Variants in LHFPL3 observed in about 807,000 individuals in gnomAD.
LHFPL3 encodes the protein LHFPL tetraspan subfamily member 3 protein.
A neutral mutation model predicts 19.3 loss-of-function variants in LHFPL3; 5 were observed. That is an observed-to-expected ratio of 0.26 (90% CI 0.14 to 0.54). The LOEUF (loss-of-function observed/expected upper bound fraction) is 0.54. LHFPL3 is among the 20% of genes least tolerant of loss of function. LHFPL3 has a pLI of 0.94. For missense variants in LHFPL3, 249 were observed against 307.4 expected (o/e 0.81, Z 1.42); for synonymous variants, 133 against 126.2 (o/e 1.05, Z -0.36).
chr7:104,608,259 A>T (rs1189595398), intron 1 of LHFPL3, among the ~76,000 whole-genome samples: 2 of 152,014 alleles, frequency 1.3e-5, no homozygotes, highest in Non-Finnish European at 2.9e-5. Context: ...ATGTCCAACA[A>T]CGATAGACTG....
intron 2 of LHFPL3, among the ~76,000 whole-genome samples, chr7:104,789,383 C>T (rs1485329700): frequency 6.6e-6 from 1 of 152,096 alleles, no homozygotes; most frequent in African/African-American, 2.4e-5. Flanking sequence ...CTCTTAACTC[C>T]AAGAGACTCT....
chr7:104,500,765 C>T (rs940805639), intron 1 of LHFPL3, among the ~76,000 whole-genome samples: 3 of 152,190 alleles, frequency 2.0e-5, no homozygotes, highest in African/African-American at 7.2e-5. Flanking sequence ...CAAATCCCTG[C>T]CCATACAGTA....
chr7:104,405,965 T>C (rs1328483802), intron 1 of LHFPL3, among the ~76,000 whole-genome samples: 1 of 152,212 alleles, frequency 6.6e-6, no homozygotes, highest in African/African-American at 2.4e-5. Flanking sequence ...TTTCCTGAAT[T>C]AAACAGGTAA....
intron 2 of LHFPL3, among the ~76,000 whole-genome samples, chr7:104,886,812 T>C (rs1176741819): frequency 6.6e-6 from 1 of 152,358 alleles, no homozygotes; most frequent in African/African-American, 2.4e-5. Context: ...TAGGAAGCTT[T>C]TCTATTGCAA....
At chr7:104,368,676 T>TGC (rs932995691) in intron 1 of LHFPL3, among the ~76,000 whole-genome samples, 2 of 150,740 alleles carry the variant, frequency 1.3e-5, no homozygotes, top group East Asian at 4.0e-4. Context: ...TGTGTGTGTG[T>TGC]GTGTTGTTTT....
chr7:104,342,667 C>T (rs1224004397), intron 1 of LHFPL3, among the ~76,000 whole-genome samples: 1 of 152,164 alleles, frequency 6.6e-6, no homozygotes, highest in Non-Finnish European at 1.5e-5. Flanking sequence ...TCAAAAAGCA[C>T]ACTTCCCTTC....
At chr7:104,506,883 A>C (rs1038747062) in intron 1 of LHFPL3, among the ~76,000 whole-genome samples, 7 of 152,232 alleles carry the variant, frequency 4.6e-5, no homozygotes, top group Non-Finnish European at 5.9e-5. Context: ...AGAAGTACAA[A>C]TCCAGGAGAT....
intron 2 of LHFPL3, among the ~76,000 whole-genome samples, chr7:104,900,156 T>A (rs1284922302): frequency 6.6e-6 from 1 of 152,258 alleles, no homozygotes; most frequent in Non-Finnish European, 1.5e-5. Flanking sequence ...AAATATGGAA[T>A]GGCTTCATGC....
Position 104,724,139 on chromosome 7 carries a change from A to G in LHFPL3, c.446-12536A>G, listed in dbSNP as rs190190557. Among the ~76,000 whole-genome samples, 493 of 152,322 alleles carry G rather than the reference A, an allele frequency of 3.2e-3. 5 individuals are homozygous for G. Among genetic ancestry groups the G allele is most frequent in the African/African-American group, 0.011 (476 of 41,582 alleles). On this transcript the variant is annotated intron_variant, in intron 1 of 2. Coordinates refer to ENST00000424859, the MANE Select transcript of LHFPL3 (RefSeq NM_199000.3). Reference sequence around the variant, plus strand: ...GAGCAGCTGTTAGTTTCCAGTGGCTATACAAATCGTGCAGGTTAATAAGGT... The same window carrying G: ...GAGCAGCTGTTAGTTTCCAGTGGCTGTACAAATCGTGCAGGTTAATAAGGT...
chr7:104,576,520 T>C (rs2116006258), intron 1 of LHFPL3, among the ~76,000 whole-genome samples: 1 of 152,316 alleles, frequency 6.6e-6, no homozygotes, highest in East Asian at 1.9e-4. Context: ...TATTAGTTCT[T>C]AACCTTCCAG....
At chr7:104,845,632 C>A in intron 2 of LHFPL3, 1 of 226,246 alleles carries the variant, frequency 4.4e-6, no homozygotes, top group Non-Finnish European at 7.4e-6. Context: ...CAATCCCTGG[C>A]ACTTGCAGCT....
chr7:104,668,720 C>T (rs1792411494), intron 1 of LHFPL3: 1 of 1,520,140 alleles, frequency 6.6e-7, no homozygotes, highest in Non-Finnish European at 9.0e-7. Flanking sequence ...ATAGAGGTCC[C>T]CCCCCCCCCA....
intron 1 of LHFPL3, among the ~76,000 whole-genome samples, chr7:104,465,432 T>G (rs1434000284): frequency 6.6e-6 from 1 of 152,206 alleles, no homozygotes; most frequent in African/African-American, 2.4e-5. Context: ...TCTGCAGTAC[T>G]GAATTTACTG....
intron 2 of LHFPL3, among the ~76,000 whole-genome samples, chr7:104,856,240 A>T (rs1032002521): frequency 1.5e-5 from 1 of 68,910 alleles, no homozygotes. Context: ...GTCCCAGGAA[A>T]TTTTTTTTTT....
intron 2 of LHFPL3, among the ~76,000 whole-genome samples, chr7:104,882,549 G>A (rs559177390): frequency 6.6e-6 from 1 of 152,192 alleles, no homozygotes; most frequent in South Asian, 2.1e-4. Context: ...TGCCCAGCCT[G>A]TACCACATTT....
intron 2 of LHFPL3, among the ~76,000 whole-genome samples, chr7:104,752,069 G>A (rs1794184729): frequency 6.6e-6 from 1 of 152,094 alleles, no homozygotes; most frequent in African/African-American, 2.4e-5. Flanking sequence ...TGGCGGTTGG[G>A]TCTTATTTTC....
chr7:104,406,293 T>C (rs888752239), intron 1 of LHFPL3, among the ~76,000 whole-genome samples: 1 of 152,166 alleles, frequency 6.6e-6, no homozygotes, highest in Non-Finnish European at 1.5e-5. Context: ...AACACATCTT[T>C]GTAGGCAATA....
chr7:104,901,022 G>C (rs1792472628), intron 2 of LHFPL3, among the ~76,000 whole-genome samples: 1 of 152,248 alleles, frequency 6.6e-6, no homozygotes, highest in Middle Eastern at 3.2e-3. Context: ...TAAAAGAGCA[G>C]AATGTTTCAC....
chr7:104,734,599 T>C (rs1212553532), intron 1 of LHFPL3, among the ~76,000 whole-genome samples: 1 of 152,190 alleles, frequency 6.6e-6, no homozygotes, highest in Non-Finnish European at 1.5e-5. Context: ...TCTGCATTGG[T>C]TATTCTAGTT....
Sources: allele counts gnomAD v4.1 joint callset (sites outside exome capture counted in the v4.1 genomes callset), GRCh38; gene constraint gnomAD v4.1.1; transcripts MANE v1.5; gene names NCBI Gene and HGNC (gene_info 2026-07-23, HGNC 2026-07-21).